The following HECTD4 variants were observed in gnomAD, a reference collection of about 807,000 sequenced individuals.
HECTD4 encodes the protein HECT domain E3 ubiquitin protein ligase 4.
Under a neutral mutation model 471.5 loss-of-function variants are expected in HECTD4, and 114 were observed. The ratio of observed to expected loss-of-function variants is 0.24; its 90% CI spans 0.21 to 0.28. HECTD4 has a LOEUF of 0.28. Among genes scored for constraint, HECTD4 ranks in the 10% least tolerant of loss-of-function variants. The pLI is 1.00. For synonymous variants in HECTD4, 2,012 were observed against 2,256.0 expected, an observed-to-expected ratio of 0.89 and a Z score of 3.07; for missense variants, 3,866 against 5,651.5, an observed-to-expected ratio of 0.68 and a Z score of 10.13.
intron 13 of HECTD4, 110 bp downstream of exon 13, chr12:112,269,594 T>A (rs11066226): frequency 8.6e-7 from 1 of 1,159,588 alleles, no homozygotes; most frequent in Admixed American, 2.4e-5. Flanking sequence ...GAGGTCCCAA[T>A]TGTGGGATGG....
At chr12:112,208,435 G>A in intron 51 of HECTD4, 59 bp downstream of exon 51, 1 of 1,473,968 alleles carries the variant, frequency 6.8e-7, no homozygotes, top group Non-Finnish European at 9.0e-7. Flanking sequence ...GCTTGTCCTA[G>A]TCACTAGGGA....
intron 1 of HECTD4, among the ~76,000 whole-genome samples, chr12:112,333,144 C>T (rs1048680509): frequency 5.3e-5 from 8 of 152,100 alleles, no homozygotes; most frequent in South Asian, 2.1e-4. Flanking sequence ...TCGGCTATTA[C>T]GAATAATGCT....
chr12:112,371,357 C>T (rs181388606), intron 1 of HECTD4, among the ~76,000 whole-genome samples: 136 of 151,832 alleles, frequency 9.0e-4, no homozygotes, highest in African/African-American at 1.3e-3. Context: ...GGGTGGAGCA[C>T]CTGAGGTCAG....
At chr12:112,356,868 A>C (rs1372913470) in intron 1 of HECTD4, among the ~76,000 whole-genome samples, 1 of 152,218 alleles carries the variant, frequency 6.6e-6, no homozygotes, top group East Asian at 1.9e-4. Flanking sequence ...AAGAATTATA[A>C]AAAGTTCCTT....
Position 112,381,881 on chromosome 12 carries a change from G to T in HECTD4, c.177+71C>A. On this transcript the variant is annotated intron_variant, in intron 1 of 75. Coordinates refer to ENST00000682272, the MANE Select transcript of HECTD4 (RefSeq NM_001388303.1). This position sits in a 1 kb window ranked among gnomAD's most constrained non-coding sequence, Gnocchi z 4.1. Reference sequence around the variant, plus strand: ...GGCGAGGCCGCGGCTGAGGCGAGGAGGGGGCCCGACCCGGGGGTGCCGGGC... The same window carrying T: ...GGCGAGGCCGCGGCTGAGGCGAGGATGGGGCCCGACCCGGGGGTGCCGGGC... 1 of 1,098,832 alleles carries T rather than the reference G, an allele frequency of 9.1e-7. No homozygotes were observed. The highest frequency in any genetic ancestry group is 1.1e-6 in the Non-Finnish European group (1 of 871,102). The allele number at this position is 1,098,832 out of a possible 1,614,324, so 68.1% of individuals were successfully genotyped here. A position where few individuals can be genotyped will look rare whatever the true frequency, so the allele number is the denominator to read the frequency against.
intron 19 of HECTD4, 180 bp downstream of exon 19, chr12:112,258,928 CAAAT>C (rs1454929535): frequency 1.6e-6 from 1 of 619,952 alleles, no homozygotes; most frequent in Non-Finnish European, 2.7e-6. Flanking sequence ...TTTAGTCAAA[CAAAT>C]AAAATGTTTT....
chr12:112,291,732 C>T (rs2034890937), intron 7 of HECTD4, among the ~76,000 whole-genome samples: 1 of 152,018 alleles, frequency 6.6e-6, no homozygotes, highest in South Asian at 2.1e-4. Context: ...ATCAGCCAGG[C>T]GTGGTGGTGG....
At position 112,203,789 on chromosome 12, in the gene HECTD4, G is replaced by A. The variant is rs747724773; in HGVS notation, c.8270-17C>T. The A allele has an allele frequency of 1.2e-5, 19 of 1,520,682 alleles. 1 individual carries two copies. The highest frequency in any genetic ancestry group is 1.2e-4 in the East Asian group (5 of 41,636). 94.2% of individuals were successfully genotyped at this position (1,520,682 alleles called of 1,614,324 possible). A position where few individuals can be genotyped will look rare whatever the true frequency, so the allele number is the denominator to read the frequency against. ...CTGTGAGACCTGAGGAGTGTAGAGG[G>A]AGAAGTTTTTCAGGAAAAAGTACCA... On this transcript the variant is annotated splice_polypyrimidine_tract_variant and intron_variant, in intron 53 of 75. Coordinates refer to ENST00000682272, the MANE Select transcript of HECTD4 (RefSeq NM_001388303.1).
intron 67 of HECTD4, among the ~76,000 whole-genome samples, chr12:112,171,744 C>T (rs1445145591): frequency 6.6e-6 from 1 of 152,200 alleles, no homozygotes; most frequent in Non-Finnish European, 1.5e-5. Flanking sequence ...CTCTTGTCCA[C>T]CTTTACCTCC....
intron 6 of HECTD4, among the ~76,000 whole-genome samples, chr12:112,308,409 C>A (rs1830759682): frequency 1.3e-5 from 2 of 148,546 alleles, no homozygotes; most frequent in African/African-American, 5.0e-5. Flanking sequence ...TGATGCCTTC[C>A]CAAAATAGAT....
chr12:112,190,333 G>T (rs1449314091), intron 60 of HECTD4, among the ~76,000 whole-genome samples: 1 of 152,188 alleles, frequency 6.6e-6, no homozygotes, highest in African/African-American at 2.4e-5. Flanking sequence ...TTTAGAATTT[G>T]TTTAGGTAAA....
chr12:112,235,639 C>A lies in HECTD4; in HGVS notation c.5590G>T (p.Asp1864Tyr), dbSNP rs1360918996. 3 of 1,613,914 alleles carry A rather than the reference C, an allele frequency of 1.9e-6. No individual in the cohort carries two copies. Among genetic ancestry groups the A allele is most frequent in the Admixed American group, 1.7e-5 (1 of 60,002 alleles). ...GGTGGGAGCTCCACGTTTCCACAGT[C>A]TTCTACGCTCATCAGGGGCAGCGCC... ...RAALPLMSVE[D>Y]CGNVELPPWS... Residue 1864 changes from aspartate (D) to tyrosine (Y), a missense_variant, in exon 36 of 76, where the codon GAC becomes TAC. Coordinates refer to ENST00000682272, the MANE Select transcript of HECTD4 (RefSeq NM_001388303.1). This position sits in a 1 kb window ranked among gnomAD's most constrained non-coding sequence, Gnocchi z 5.0.
chr12:112,213,926 A>G lies in HECTD4; in HGVS notation c.7466-1276T>C, dbSNP rs188868398. On this transcript the variant is annotated intron_variant, in intron 48 of 75. Transcript: ENST00000682272. This position sits in a 1 kb window ranked among gnomAD's most constrained non-coding sequence, Gnocchi z 4.0. ...GGTCCCAGTTACTCAGGAGGCTGAG[A>G]TGGGAGGGTCACTTGAGCTCAGGGG... Among the ~76,000 whole-genome samples, 3 of 151,556 alleles carry G rather than the reference A, an allele frequency of 2.0e-5. No individual in the cohort carries two copies. Among genetic ancestry groups the G allele is most frequent in the Admixed American group, 1.3e-4 (2 of 15,188 alleles).
At chr12:112,293,027 T>C (rs2034923454) in intron 7 of HECTD4, among the ~76,000 whole-genome samples, 1 of 140,042 alleles carries the variant, frequency 7.1e-6, no homozygotes, top group Non-Finnish European at 1.6e-5. Context: ...ATGTAAAAAA[T>C]AAGTAAAAAA....
intron 13 of HECTD4, among the ~76,000 whole-genome samples, chr12:112,268,201 A>C (rs149762030): frequency 7.1e-4 from 108 of 152,294 alleles, no homozygotes; most frequent in African/African-American, 2.4e-3. Flanking sequence ...AGTCTGACAT[A>C]TGTATACACC....
intron 1 of HECTD4, among the ~76,000 whole-genome samples, chr12:112,373,873 G>A (rs1362501374): frequency 6.6e-6 from 1 of 151,826 alleles, no homozygotes; most frequent in Non-Finnish European, 1.5e-5. Flanking sequence ...GCATGGTGAT[G>A]CATGCCTGTA....
rs2033433753 is a variant in HECTD4, at chr12:112,233,518, T to C, written c.5916-433A>G. On this transcript the variant is annotated intron_variant, in intron 37 of 75. Coordinates refer to ENST00000682272, the MANE Select transcript of HECTD4 (RefSeq NM_001388303.1). Reference sequence around the variant, plus strand: ...GATTACAGGCATGAGCCACCATGCCTGGACCTCTAACACTAGCTTTTAAAA... The same window carrying C: ...GATTACAGGCATGAGCCACCATGCCCGGACCTCTAACACTAGCTTTTAAAA... 2.0e-5 allele frequency among the ~76,000 whole-genome samples: 3 copies of C among 152,224 alleles called. 1 individual carries two copies. The Middle Eastern group carries it at 0.01, about 518-fold the overall frequency.
chr12:112,243,178 T>A lies in HECTD4; in HGVS notation c.4958+175A>T, dbSNP rs1455993022. Among the ~76,000 whole-genome samples, 1 of 152,182 alleles carries A rather than the reference T, an allele frequency of 6.6e-6. No homozygotes were observed. Among genetic ancestry groups the A allele is most frequent in the African/African-American group, 2.4e-5 (1 of 41,450 alleles). ...GGAGAAGAAGGTGAATACTGAGAGTTTTACGTTCTATTAATATGTTGAGTT... is the reference window on the plus strand; with the variant it reads ...GGAGAAGAAGGTGAATACTGAGAGTATTACGTTCTATTAATATGTTGAGTT... On this transcript the variant is annotated intron_variant, in intron 32 of 75. Transcript: ENST00000682272. This position sits in a 1 kb window ranked among gnomAD's most constrained non-coding sequence, Gnocchi z 6.6.
At chr12:112,373,926 C>T (rs1414419146) in intron 1 of HECTD4, among the ~76,000 whole-genome samples, 2 of 151,662 alleles carry the variant, frequency 1.3e-5, no homozygotes, top group African/African-American at 4.8e-5. Context: ...ACCACTTGAA[C>T]CCGGGAGGCG....
Sources: allele counts gnomAD v4.1 joint callset (sites outside exome capture counted in the v4.1 genomes callset), GRCh38; gene constraint gnomAD v4.1.1; non-coding constraint Gnocchi (gnomAD v3.1); transcripts MANE v1.5; gene names NCBI Gene and HGNC (gene_info 2026-07-23, HGNC 2026-07-21).